The following ZNF445 variants were observed in gnomAD, a reference collection of about 807,000 sequenced individuals.
The protein encoded by ZNF445 is zinc finger protein 168.
Under a neutral mutation model 93.9 loss-of-function variants are expected in ZNF445, and 19 were observed. That is an observed-to-expected ratio of 0.20 (90% CI 0.14 to 0.30). The LOEUF is 0.30. Among genes scored for constraint, ZNF445 ranks in the 10% least tolerant of loss-of-function variants. ZNF445 has a pLI of 1.00. For synonymous variants in ZNF445, 449 were observed against 446.3 expected (o/e 1.01, Z -0.08); for missense variants, 1,058 against 1,259.4 (o/e 0.84, Z 2.42).
chr3:44,436,332 C>T lies in ZNF445; in HGVS notation c.*10243G>A, dbSNP rs1386208620. On this transcript the variant is annotated 3_prime_UTR_variant, in exon 8 of 8. Transcript: ENST00000396077. ...GCTGCACTGTCCATGGCAGTCACCA[C>T]ACCAATTGTGTTTTTGGTGACTAAG... 6.6e-6 allele frequency: 1 copy of T among 152,222 alleles called. No homozygotes were observed. The highest frequency in any genetic ancestry group is 1.5e-5 in the Non-Finnish European group (1 of 68,042). The allele number at this position is 152,222 out of a possible 1,614,324, so 9.4% of individuals were successfully genotyped here.
Position 44,447,302 on chromosome 3 carries a change from T to A in ZNF445, c.2369A>T (p.Tyr790Phe). The change falls in exon 8 of 8, where the codon TAT becomes TTT. Residue 790 changes from tyrosine (Y) to phenylalanine (F), a missense_variant. By Grantham distance (22) the Tyr-to-Phe change is conservative. This residue lies in a region of ZNF445 where 387 missense variants were observed against 475.7 expected (regional missense o/e 0.81). Coordinates refer to ENST00000396077, the MANE Select transcript of ZNF445 (RefSeq NM_181489.6). The surrounding 1 kb of genome is among the most constrained non-coding windows in gnomAD (Gnocchi z 4.7). Reference protein sequence around the residue: ...HQRVHTGEKPYKCRECGKAFR... With the variant: ...HQRVHTGEKPFKCRECGKAFR... ...GGCTTTCCCACACTCCCTGCACTTA[T>A]ATGGCTTCTCTCCAGTGTGAACTCT... is the stretch of plus-strand genomic sequence containing the variant. 6.2e-7 allele frequency: 1 copy of A among 1,614,100 alleles called. No homozygotes were observed. Among genetic ancestry groups the A allele is most frequent in the South Asian group, 1.1e-5 (1 of 91,084 alleles).
At chr3:44,449,821 G>C (rs1379529598) in intron 6 of ZNF445, among the ~76,000 whole-genome samples, 198 bp from the exon 7 acceptor site, 1 of 152,132 alleles carries the variant, frequency 6.6e-6, no homozygotes, top group Non-Finnish European at 1.5e-5. Flanking sequence ...GCCCACAAAA[G>C]GATTACTAGA....
At chr3:44,470,725 T>C (rs539877766) in intron 1 of ZNF445, among the ~76,000 whole-genome samples, 11 of 152,330 alleles carry the variant, frequency 7.2e-5, no homozygotes, top group South Asian at 2.1e-4. Context: ...GTTGCCTAAA[T>C]TGTTACCCAT....
intron 4 of ZNF445, 85 bp from the exon 5 acceptor site, chr3:44,451,047 T>C: frequency 8.4e-7 from 1 of 1,193,034 alleles, no homozygotes; most frequent in Non-Finnish European, 1.2e-6. Flanking sequence ...AGAGGACTCC[T>C]GGACCCATGA....
chr3:44,450,127 T>G, intron 6 of ZNF445: 1 of 350,230 alleles, frequency 2.9e-6, no homozygotes, highest in South Asian at 2.6e-5. Flanking sequence ...TTTGTAGAGA[T>G]GGGGTTTCAC....
chr3:44,476,689 T>G (rs994888905), intron 1 of ZNF445, among the ~76,000 whole-genome samples: 1 of 152,242 alleles, frequency 6.6e-6, no homozygotes, highest in Non-Finnish European at 1.5e-5. Context: ...CTTAGGCCTG[T>G]GCAAGTCAGA....
chr3:44,468,974 T>C (rs1182569916), intron 1 of ZNF445, among the ~76,000 whole-genome samples: 2 of 151,662 alleles, frequency 1.3e-5, no homozygotes, highest in South Asian at 2.1e-4. Context: ...AGTGTAGCAT[T>C]TGGCCAGGTG....
In ZNF445 at chr3:44,455,383, TG is replaced by T; in HGVS notation, c.166del (p.Gln56SerfsTer15). 1 of 1,614,160 alleles carries T rather than the reference TG, an allele frequency of 6.2e-7. No homozygotes were observed. The highest frequency in any genetic ancestry group is 8.5e-7 in the Non-Finnish European group (1 of 1,180,002). ...ATGGTAGCGAAGCTGTCTGAAGAGC[TG>T]GCGGAACAGCTCCTGGCCAGGGCGG... Reference protein sequence around the residue: ...LNRPGQELFRQLFRQLRYHES... With the variant: ...LNRPGQELFRXLFRQLRYHES... On this transcript the variant is annotated frameshift_variant, in exon 3 of 8. Transcript: ENST00000396077. LOFTEE classifies it high-confidence loss of function.
chr3:44,447,948 T>C lies in ZNF445; in HGVS notation c.1723A>G (p.Arg575Gly), dbSNP rs1366375948. ...KKKFLELNQY[R>G]AALTYSSGFD... ...CCTGAGCTGTAGGTGAGAGCTGCCC[T>C]ATACTGATTCAATTCAAGAAATTTC... is the stretch of plus-strand genomic sequence containing the variant. Residue 575 changes from arginine (R) to glycine (G), a missense_variant, in exon 8 of 8, where the codon AGG becomes GGG. Physicochemically the swap from Arg to Gly is moderately radical, Grantham distance 125. Around this residue, in one of 3 missense-constraint regions of ZNF445, gnomAD observed 657 missense variants for 746.4 expected, o/e 0.88. Transcript: ENST00000396077. The surrounding 1 kb of genome is among the most constrained non-coding windows in gnomAD (Gnocchi z 4.7). 1 of 1,613,516 alleles carries C rather than the reference T, an allele frequency of 6.2e-7. No homozygotes were observed. Among genetic ancestry groups the C allele is most frequent in the Admixed American group, 1.7e-5 (1 of 60,016 alleles).
intron 1 of ZNF445, among the ~76,000 whole-genome samples, chr3:44,463,444 A>G (rs1173765473): frequency 6.6e-6 from 1 of 152,206 alleles, no homozygotes; most frequent in Non-Finnish European, 1.5e-5. Flanking sequence ...TTTGGGGGAA[A>G]CAAACAAACA....
At chr3:44,458,545 T>C (rs1698063633) in intron 1 of ZNF445, among the ~76,000 whole-genome samples, 181 bp from the exon 2 acceptor site, 3 of 152,198 alleles carry the variant, frequency 2.0e-5, no homozygotes, top group South Asian at 4.1e-4. Flanking sequence ...ATATCTTCTG[T>C]TAAATTATTT....
chr3:44,449,042 A>C (rs1697920237), intron 7 of ZNF445, among the ~76,000 whole-genome samples: 1 of 152,204 alleles, frequency 6.6e-6, no homozygotes, highest in Admixed American at 6.5e-5. Context: ...GCATTATAGA[A>C]AGGTACCCAA....
chr3:44,431,894 G>A lies in ZNF445; in HGVS notation c.*14681C>T, dbSNP rs1388324897. On this transcript the variant is annotated 3_prime_UTR_variant, in exon 8 of 8. Coordinates refer to ENST00000396077, the MANE Select transcript of ZNF445 (RefSeq NM_181489.6). ...AATATGTAAATGAATGAATATATCT[G>A]AAGATTATATGAAATTTATTTTTTA... is the stretch of plus-strand genomic sequence containing the variant. 2 of 152,058 alleles carry A rather than the reference G, an allele frequency of 1.3e-5. No individual in the cohort carries two copies. The highest frequency in any genetic ancestry group is 4.8e-5 in the African/African-American group (2 of 41,380). The allele number at this position is 152,058 out of a possible 1,614,324, so 9.4% of individuals were successfully genotyped here.
At position 44,448,507 on chromosome 3, in the gene ZNF445, A is replaced by C; in HGVS notation, c.1164T>G (p.Ser388=). The change falls in exon 8 of 8, where the codon TCT becomes TCG. Residue 388 remains serine (S), a synonymous_variant. Transcript: ENST00000396077. ...TNFSHRTGKD[S]EVSGSNSLDL... ...CAAGACTATTACTTCCTGATACTTC[A>C]GAGTCTTTTCCTGTCCTGTGACTGA... 6.2e-7 allele frequency: 1 copy of C among 1,613,714 alleles called. No homozygotes were observed. Among genetic ancestry groups the C allele is most frequent in the Non-Finnish European group, 8.5e-7 (1 of 1,179,962 alleles).
rs1697559742 is a variant in ZNF445, at chr3:44,431,984, CTGCCTCCTG to C, written c.*14582_*14590del. On this transcript the variant is annotated 3_prime_UTR_variant, in exon 8 of 8. Transcript: ENST00000396077. ...GCACCATTTCAGCTCACAGCAACCT[CTGCCTCCTG>C]TGTTCAAGCTATTCTCCCATCTTAG... 2.6e-5 allele frequency: 4 copies of C among 152,224 alleles called. No individual in the cohort carries two copies. The highest frequency in any genetic ancestry group is 1.3e-4 in the Admixed American group (2 of 15,286). 9.4% of individuals were successfully genotyped at this position (152,224 alleles called of 1,614,324 possible). A position where few individuals can be genotyped will look rare whatever the true frequency, so the allele number is the denominator to read the frequency against.
chr3:44,477,086 A>G (rs753350747), intron 1 of ZNF445, among the ~76,000 whole-genome samples: 22 of 152,170 alleles, frequency 1.4e-4, no homozygotes, highest in Admixed American at 1.3e-3. Flanking sequence ...TATGTATTGT[A>G]TGGTAAATGT....
chr3:44,450,971 G>C lies in ZNF445; in HGVS notation c.599-9C>G, dbSNP rs1181185701. On this transcript the variant is annotated splice_polypyrimidine_tract_variant and intron_variant, in intron 4 of 7. Transcript: ENST00000396077. Reference sequence around the variant, plus strand: ...CTGGGCAGCAGGAGTATCTGAAGGAGAAAAAGCCATGAGAGAGCGGCTCAG... The same window carrying C: ...CTGGGCAGCAGGAGTATCTGAAGGACAAAAAGCCATGAGAGAGCGGCTCAG... 1 of 1,572,910 alleles carries C rather than the reference G, an allele frequency of 6.4e-7. No homozygotes were observed. The highest frequency in any genetic ancestry group is 1.4e-5 in the African/African-American group (1 of 73,592).
At chr3:44,464,800 G>A (rs1339993022) in intron 1 of ZNF445, among the ~76,000 whole-genome samples, 2 of 152,130 alleles carry the variant, frequency 1.3e-5, no homozygotes, top group Non-Finnish European at 2.9e-5. Context: ...CCCAAGCTGG[G>A]CACAGTGGCT....
At position 44,435,892 on chromosome 3, in the gene ZNF445, A is replaced by G. The variant is rs1331554389; in HGVS notation, c.*10683T>C. 2 of 152,226 alleles carry G rather than the reference A, an allele frequency of 1.3e-5. No homozygotes were observed. Among genetic ancestry groups the G allele is most frequent in the African/African-American group, 4.8e-5 (2 of 41,452 alleles). 9.4% of individuals were successfully genotyped at this position (152,226 alleles called of 1,614,324 possible). A position where few individuals can be genotyped will look rare whatever the true frequency, so the allele number is the denominator to read the frequency against. On this transcript the variant is annotated 3_prime_UTR_variant, in exon 8 of 8. Coordinates refer to ENST00000396077, the MANE Select transcript of ZNF445 (RefSeq NM_181489.6). ...GTGGCATTTTGAGTCTCCTGTAATT[A>G]CTGCTAGTTCAGAACTAGAGGCTGG...
Sources: allele counts gnomAD v4.1 joint callset (sites outside exome capture counted in the v4.1 genomes callset), GRCh38; gene constraint gnomAD v4.1.1; regional missense constraint gnomAD v4.1.1; non-coding constraint Gnocchi (gnomAD v3.1); transcripts MANE v1.5; gene names NCBI Gene and HGNC (gene_info 2026-07-23, HGNC 2026-07-21).